Variants in TAFA5 observed in about 807,000 individuals in gnomAD.
TAFA5 encodes chemokine-like protein TAFA-5.
Under a neutral mutation model 15.3 loss-of-function variants are expected in TAFA5, and 6 were observed. The observed-to-expected ratio is 0.39, with a 90% CI of 0.21 to 0.77. The LOEUF is 0.77. TAFA5 is among the 30% of genes least tolerant of loss of function. TAFA5 has a pLI of 0.41. For synonymous variants in TAFA5, 103 were observed against 80.7 expected, an observed-to-expected ratio of 1.28 and a Z score of -1.48; for missense variants, 161 against 193.1, an observed-to-expected ratio of 0.83 and a Z score of 0.98.
chr22:48,555,119 C>T (rs562253549), intron 1 of TAFA5, among the ~76,000 whole-genome samples: 1 of 152,348 alleles, frequency 6.6e-6, no homozygotes, highest in East Asian at 1.9e-4. Context: ...CCCTGCCCCA[C>T]CCACCACTGT....
intron 2 of TAFA5, among the ~76,000 whole-genome samples, chr22:48,664,550 A>G (rs996017976): frequency 1.3e-5 from 2 of 152,240 alleles, no homozygotes; most frequent in East Asian, 3.8e-4. Context: ...TCATTGACAC[A>G]TCTATACAGG....
intron 1 of TAFA5, among the ~76,000 whole-genome samples, chr22:48,518,038 G>C (rs1454293080): frequency 6.6e-6 from 1 of 152,186 alleles, no homozygotes; most frequent in East Asian, 1.9e-4. Context: ...GGTCACAGGC[G>C]GCTGGATGGG....
At chr22:48,587,010 C>T (rs1472765789) in intron 1 of TAFA5, among the ~76,000 whole-genome samples, 1 of 152,260 alleles carries the variant, frequency 6.6e-6, no homozygotes, top group Admixed American at 6.5e-5. Flanking sequence ...TCCACCGACC[C>T]CCTGTCCAGG....
chr22:48,666,998 G>T lies in TAFA5; in HGVS notation c.262+20252G>T, dbSNP rs1927638722. ...CTGCATAGGTGATTTCCAGAGAAAT[G>T]TCACCCAGTCCTGTCTGGGGAAGCC... is the stretch of plus-strand genomic sequence containing the variant. On this transcript the variant is annotated intron_variant, in intron 2 of 3. Transcript: ENST00000402357. Among the ~76,000 whole-genome samples, 3 of 152,146 alleles carry T rather than the reference G, an allele frequency of 2.0e-5. No individual in the cohort carries two copies. The South Asian group carries it at 6.2e-4, about 31-fold the overall frequency.
At chr22:48,511,902 A>G (rs961123425) in intron 1 of TAFA5, among the ~76,000 whole-genome samples, 4 of 152,244 alleles carry the variant, frequency 2.6e-5, no homozygotes, top group Non-Finnish European at 5.9e-5. Flanking sequence ...GGAAAGGGCT[A>G]CAGATGCGGA....
At chr22:48,594,512 CAT>C (rs1029885962) in intron 1 of TAFA5, among the ~76,000 whole-genome samples, 70 of 152,324 alleles carry the variant, frequency 4.6e-4, no homozygotes, top group African/African-American at 1.7e-3. Flanking sequence ...CTCTCAGGGA[CAT>C]AGCCTGAAAA....
intron 2 of TAFA5, among the ~76,000 whole-genome samples, chr22:48,684,582 T>C (rs1313052883): frequency 6.6e-6 from 1 of 152,200 alleles, no homozygotes; most frequent in African/African-American, 2.4e-5. Context: ...CTGTGTGCAC[T>C]GTGTCACCCT....
intron 1 of TAFA5, among the ~76,000 whole-genome samples, chr22:48,495,736 C>T (rs1405449295): frequency 3.9e-5 from 6 of 152,200 alleles, no homozygotes; most frequent in South Asian, 4.1e-4. Context: ...GTGGCTTCTC[C>T]GCCTCCAGGC....
chr22:48,672,926 C>T (rs1286186435), intron 2 of TAFA5, among the ~76,000 whole-genome samples: 1 of 152,178 alleles, frequency 6.6e-6, no homozygotes, highest in Non-Finnish European at 1.5e-5. Context: ...GACCACGGTC[C>T]TAATGGCATT....
intron 3 of TAFA5, among the ~76,000 whole-genome samples, chr22:48,718,915 A>G (rs1455861903): frequency 6.6e-6 from 1 of 152,092 alleles, no homozygotes; most frequent in Non-Finnish European, 1.5e-5. Flanking sequence ...CCCCCGGCTC[A>G]CTGTCACCAT....
chr22:48,742,097 G>A lies in TAFA5; in HGVS notation c.391-7742G>A, dbSNP rs1486611529. Among the ~76,000 whole-genome samples the A allele has an allele frequency of 2.0e-5, 3 of 152,168 alleles. No homozygotes were observed. The highest frequency in any genetic ancestry group is 2.1e-4 in the South Asian group (1 of 4,830). On this transcript the variant is annotated intron_variant, in intron 3 of 3. Transcript: ENST00000402357. This position sits in a 1 kb window ranked among gnomAD's most constrained non-coding sequence, Gnocchi z 6.2. ...CAGCTGGGAGGCTGTGGGAGGTCGG[G>A]GCACCTGCCAGGCTCTGGAGGGGTC...
intron 1 of TAFA5, among the ~76,000 whole-genome samples, chr22:48,642,640 T>G (rs973144798): frequency 6.6e-6 from 1 of 152,044 alleles, no homozygotes; most frequent in Admixed American, 6.6e-5. Flanking sequence ...GGAGTGTACA[T>G]GCCGTGTGTG....
intron 1 of TAFA5, among the ~76,000 whole-genome samples, chr22:48,496,037 C>G (rs1046885490): frequency 6.6e-6 from 1 of 152,216 alleles, no homozygotes; most frequent in African/African-American, 2.4e-5. Context: ...CGTGAAGGCC[C>G]GGCTTACTCC....
intron 3 of TAFA5, among the ~76,000 whole-genome samples, chr22:48,711,562 T>C (rs1929255172): frequency 2.0e-5 from 3 of 152,140 alleles, no homozygotes; most frequent in Admixed American, 2.0e-4. Flanking sequence ...CACCATAGAA[T>C]TGGAAGCTAC....
intron 1 of TAFA5, among the ~76,000 whole-genome samples, chr22:48,515,781 G>A (rs1326086862): frequency 1.3e-5 from 2 of 152,204 alleles, no homozygotes; most frequent in African/African-American, 4.8e-5. Flanking sequence ...TGGGGACAGT[G>A]GGCAAGGCCG....
intron 2 of TAFA5, among the ~76,000 whole-genome samples, chr22:48,663,750 A>G: frequency 6.6e-6 from 1 of 152,190 alleles, no homozygotes; most frequent in Non-Finnish European, 1.5e-5. Flanking sequence ...TTCCTGGCAT[A>G]TTCACACTGT....
At chr22:48,595,760 C>T (rs1326891664) in intron 1 of TAFA5, among the ~76,000 whole-genome samples, 1 of 152,288 alleles carries the variant, frequency 6.6e-6, no homozygotes, top group African/African-American at 2.4e-5. Flanking sequence ...GCCACGCTCA[C>T]ATCAGCGTGC....
intron 3 of TAFA5, among the ~76,000 whole-genome samples, chr22:48,721,088 G>GA (rs1247666858): frequency 6.6e-6 from 1 of 152,228 alleles, no homozygotes; most frequent in Non-Finnish European, 1.5e-5. Context: ...GCCCAAGCAG[G>GA]AAGGTGGACG....
At chr22:48,609,109 A>C (rs536870497) in intron 1 of TAFA5, among the ~76,000 whole-genome samples, 49 of 152,294 alleles carry the variant, frequency 3.2e-4, no homozygotes, top group African/African-American at 1.2e-3. Context: ...TGGCCCTGGC[A>C]GAGGAGAGCA....
Sources: gnomAD v4.1 joint callset for allele counts (sites outside exome capture counted in the v4.1 genomes callset) on GRCh38, gnomAD v4.1.1 for gene constraint, Gnocchi (gnomAD v3.1) non-coding constraint, MANE v1.5 for transcripts, NCBI Gene and HGNC (gene_info 2026-07-23, HGNC 2026-07-21) for gene names.